The following DLG2 variants were observed in gnomAD, a reference collection of about 807,000 sequenced individuals.
The protein encoded by DLG2 is discs large MAGUK scaffold protein 2, also known as disks large homolog 2.
Under a neutral mutation model 132.5 loss-of-function variants are expected in DLG2, and 45 were observed. The ratio of observed to expected loss-of-function variants is 0.34; its 90% CI spans 0.27 to 0.44. DLG2 has a LOEUF of 0.44. DLG2 is among the 20% of genes least tolerant of loss of function. The probability of loss-of-function intolerance (pLI) is 1.00; values close to 1 mark genes in which losing one functional copy is unlikely to be tolerated. For synonymous variants in DLG2, 424 were observed against 419.6 expected (o/e 1.01, Z -0.13); for missense variants, 1,045 against 1,196.9 (o/e 0.87, Z 1.87).
At chr11:84,847,522 CAAT>C (rs2081626968) in intron 6 of DLG2, among the ~76,000 whole-genome samples, 1 of 152,040 alleles carries the variant, frequency 6.6e-6, no homozygotes, top group Non-Finnish European at 1.5e-5. Flanking sequence ...TTTTCAAGCA[CAAT>C]CTAGAAAAAT....
At chr11:84,438,158 T>C (rs1177570502) in intron 7 of DLG2, among the ~76,000 whole-genome samples, 2 of 152,300 alleles carry the variant, frequency 1.3e-5, no homozygotes, top group Non-Finnish European at 2.9e-5. Flanking sequence ...CATCCTTCTC[T>C]TTTCTCCTCC....
At chr11:84,337,565 T>C (rs947092157) in intron 7 of DLG2, among the ~76,000 whole-genome samples, 1 of 152,198 alleles carries the variant, frequency 6.6e-6, no homozygotes, top group Non-Finnish European at 1.5e-5. Flanking sequence ...ACATTTAATA[T>C]ATTGTTAAGA....
chr11:83,487,122 A>T (rs2093567764), intron 21 of DLG2, among the ~76,000 whole-genome samples: 1 of 152,062 alleles, frequency 6.6e-6, no homozygotes, highest in African/African-American at 2.4e-5. Flanking sequence ...TCTCAATTAT[A>T]CTTGATCAAT....
At chr11:84,732,677 G>T (rs1489422078) in intron 6 of DLG2, among the ~76,000 whole-genome samples, 1 of 151,580 alleles carries the variant, frequency 6.6e-6, no homozygotes, top group Admixed American at 6.6e-5. Context: ...TAAGTTCTAG[G>T]GTACATGTGC....
chr11:85,039,328 T>C (rs2061657314), intron 6 of DLG2, among the ~76,000 whole-genome samples: 1 of 151,944 alleles, frequency 6.6e-6, no homozygotes, highest in African/African-American at 2.4e-5. Context: ...CGATATCTTA[T>C]ATCCAGTCTA....
chr11:85,300,863 G>A (rs1565290906), intron 3 of DLG2, among the ~76,000 whole-genome samples: 1 of 152,140 alleles, frequency 6.6e-6, no homozygotes, highest in East Asian at 1.9e-4. Flanking sequence ...GATGGAGAAC[G>A]TGCAAGAACC....
intron 18 of DLG2, among the ~76,000 whole-genome samples, chr11:83,714,297 AAAGAT>A (rs1164717598): frequency 1.3e-5 from 2 of 152,122 alleles, no homozygotes; most frequent in Non-Finnish European, 2.9e-5. Context: ...AATGGGGAGA[AAAGAT>A]AAAGAAAAAG....
At chr11:84,757,707 G>T (rs2067070889) in intron 6 of DLG2, among the ~76,000 whole-genome samples, 1 of 147,232 alleles carries the variant, frequency 6.8e-6, no homozygotes, top group South Asian at 2.1e-4. Flanking sequence ...ATAGAAAGAG[G>T]TAATTAAAGC....
At chr11:84,994,059 A>C (rs966745992) in intron 6 of DLG2, among the ~76,000 whole-genome samples, 2 of 152,248 alleles carry the variant, frequency 1.3e-5, no homozygotes, top group African/African-American at 4.8e-5. Flanking sequence ...AATTAAAAAA[A>C]TAATTTAAAA....
intron 7 of DLG2, among the ~76,000 whole-genome samples, chr11:84,355,867 T>G (rs1409681544): frequency 2.0e-5 from 3 of 152,260 alleles, no homozygotes; most frequent in Non-Finnish European, 2.9e-5. Flanking sequence ...GCATCTTGCA[T>G]AGTGTCCAAA....
rs1187849015 is a variant in DLG2, at chr11:85,141,930, C to T, written c.282+12626G>A. 2.0e-5 allele frequency among the ~76,000 whole-genome samples: 3 copies of T among 151,820 alleles called. No homozygotes were observed. The East Asian group carries it at 5.8e-4, about 29-fold the overall frequency. ...TTGATCTATGTGTCTGTTTTTATTCCAATACCATACTGGTTTGGATACTAT... is the reference window on the plus strand; with the variant it reads ...TTGATCTATGTGTCTGTTTTTATTCTAATACCATACTGGTTTGGATACTAT... On this transcript the variant is annotated intron_variant, in intron 5 of 27. Coordinates refer to ENST00000376104, the MANE Select transcript of DLG2 (RefSeq NM_001142699.3).
At chr11:84,750,451 G>A (rs781338792) in intron 6 of DLG2, among the ~76,000 whole-genome samples, 7 of 151,994 alleles carry the variant, frequency 4.6e-5, no homozygotes, top group Admixed American at 6.6e-5. Flanking sequence ...GCATAGGCCC[G>A]TACATGTTTT....
intron 18 of DLG2, among the ~76,000 whole-genome samples, chr11:83,667,304 A>AC (rs2075808448): frequency 1.3e-5 from 2 of 152,142 alleles, no homozygotes; most frequent in Non-Finnish European, 2.9e-5. Context: ...ACTCTGTCCT[A>AC]CCTACGCTTA....
At chr11:83,724,474 TGTGAGAGAGAGAGA>T (rs1285268239) in intron 18 of DLG2, among the ~76,000 whole-genome samples, 23 of 103,428 alleles carry the variant, frequency 2.2e-4, no homozygotes, top group Admixed American at 4.7e-4. Context: ...TGTGTGTGTG[TGTGAGAGAGAGAGA>T]GAGAGAGAGA....
chr11:84,248,734 G>A (rs757161439), intron 8 of DLG2, among the ~76,000 whole-genome samples: 7 of 152,228 alleles, frequency 4.6e-5, no homozygotes, highest in Admixed American at 1.3e-4. Flanking sequence ...AGGCATGGTG[G>A]TGCACTCCTG....
intron 3 of DLG2, among the ~76,000 whole-genome samples, chr11:85,397,234 A>AT: frequency 6.6e-6 from 1 of 152,304 alleles, no homozygotes; most frequent in African/African-American, 2.4e-5. Flanking sequence ...ATGCTGAGAG[A>AT]TTTTGTCACC....
intron 6 of DLG2, among the ~76,000 whole-genome samples, chr11:84,621,540 A>G (rs991231063): frequency 1.3e-5 from 2 of 152,192 alleles, no homozygotes; most frequent in African/African-American, 4.8e-5. Context: ...ATTGAATAAA[A>G]TATTTATAGG....
At chr11:84,400,525 C>T (rs1203470286) in intron 7 of DLG2, among the ~76,000 whole-genome samples, 1 of 152,176 alleles carries the variant, frequency 6.6e-6, no homozygotes, top group African/African-American at 2.4e-5. Flanking sequence ...TCCAACACGT[C>T]TTCTTAGGCT....
chr11:83,682,529 T>C (rs1192178897), intron 18 of DLG2: 1 of 837,386 alleles, frequency 1.2e-6, no homozygotes, highest in Non-Finnish European at 1.4e-6. Flanking sequence ...CCTCTGCTCG[T>C]GTTCCCCTAC....
Sources: gnomAD v4.1 joint callset for allele counts (sites outside exome capture counted in the v4.1 genomes callset) on GRCh38, gnomAD v4.1.1 for gene constraint, MANE v1.5 for transcripts, NCBI Gene and HGNC (gene_info 2026-07-23, HGNC 2026-07-21) for gene names.